Variants in ADGRV1 observed in about 807,000 individuals in gnomAD.
The protein encoded by ADGRV1 is G-protein coupled receptor 98.
A neutral mutation model predicts 596.2 loss-of-function variants in ADGRV1; 359 were observed. The observed-to-expected ratio is 0.60, with a 90% CI of 0.55 to 0.66. The LOEUF is 0.66. Among genes scored for constraint, ADGRV1 ranks in the 30% least tolerant of loss-of-function variants. ADGRV1 has a pLI of 0.00. For synonymous variants in ADGRV1, 2,681 were observed against 2,679.2 expected, an observed-to-expected ratio of 1.00 and a Z score of -0.02; for missense variants, 7,274 against 7,575.6, an observed-to-expected ratio of 0.96 and a Z score of 1.48.
At chr5:91,034,117 T>G (rs1784683950) in intron 85 of ADGRV1, among the ~76,000 whole-genome samples, 2 of 152,204 alleles carry the variant, frequency 1.3e-5, no homozygotes, top group Non-Finnish European at 2.9e-5. Context: ...ATTTAAAGTT[T>G]GTATTTAATG....
rs1044912166 is a variant in ADGRV1 at position 90,641,725 on chromosome 5, G to C, written c.2241-911G>C. Among the ~76,000 whole-genome samples the C allele has an allele frequency of 2.6e-5, 4 of 152,080 alleles. No individual in the cohort carries two copies. In the East Asian group the frequency reaches 7.7e-4, roughly 29 times the overall value. ...TACATATGAATTGTGGTTTCATTGT[G>C]ATTTGAAGTCTGAGCATGAATATAT... On this transcript the variant is annotated intron_variant, in intron 11 of 89. Transcript: ENST00000405460.
At chr5:90,659,835 A>C (rs1032989137) in intron 21 of ADGRV1, among the ~76,000 whole-genome samples, 1 of 152,184 alleles carries the variant, frequency 6.6e-6, no homozygotes, top group African/African-American at 2.4e-5. Flanking sequence ...GATCGAGACC[A>C]TCCTGGCTAA....
chr5:90,582,829 C>G (rs1465115013), intron 1 of ADGRV1, among the ~76,000 whole-genome samples: 3 of 152,190 alleles, frequency 2.0e-5, no homozygotes, highest in African/African-American at 7.2e-5. Context: ...TTTAGCTTCC[C>G]AAGTGGCTGA....
At chr5:90,863,967 A>C in intron 83 of ADGRV1, 110 bp downstream of exon 83, 1 of 723,560 alleles carries the variant, frequency 1.4e-6, no homozygotes, top group Non-Finnish European at 2.4e-6. Flanking sequence ...AGTTGAAATA[A>C]ACTTGTTTAG....
intron 85 of ADGRV1, among the ~76,000 whole-genome samples, chr5:91,027,144 A>AAAACACACAC (rs1293666345): frequency 3.9e-5 from 5 of 129,128 alleles, no homozygotes; most frequent in African/African-American, 1.5e-4. Context: ...ACAGTCTCAA[A>AAAACACACAC]ACACACACAC....
At chr5:91,100,101 T>C (rs59654682) in intron 86 of ADGRV1, among the ~76,000 whole-genome samples, 18,848 of 152,166 alleles carry the variant, frequency 0.12, 1,330 homozygotes, top group African/African-American at 0.2. Flanking sequence ...AAAGGGCTCC[T>C]GCTAGGGACA....
intron 83 of ADGRV1, among the ~76,000 whole-genome samples, chr5:90,921,140 C>A (rs1773838798): frequency 6.6e-6 from 1 of 152,188 alleles, no homozygotes; most frequent in African/African-American, 2.4e-5. Context: ...TGTTTACAAT[C>A]ACATGCATTT....
intron 18 of ADGRV1, 51 bp downstream of exon 18, chr5:90,651,781 T>A: frequency 8.5e-7 from 1 of 1,177,664 alleles, no homozygotes; most frequent in Non-Finnish European, 1.2e-6. Context: ...ATAAAACCAT[T>A]AAGTATGTGA....
chr5:90,728,486 C>G (rs1344131731), intron 48 of ADGRV1, among the ~76,000 whole-genome samples, 183 bp from the exon 49 acceptor site: 2 of 152,154 alleles, frequency 1.3e-5, no homozygotes, highest in Non-Finnish European at 2.9e-5. Context: ...TGTGCACACT[C>G]ACACAGATTA....
At chr5:90,603,062 T>G (rs367711437) in intron 1 of ADGRV1, among the ~76,000 whole-genome samples, 1 of 152,220 alleles carries the variant, frequency 6.6e-6, no homozygotes, top group East Asian at 1.9e-4. Flanking sequence ...TGAAAAGTAC[T>G]GTTCTCCTTC....
intron 86 of ADGRV1, among the ~76,000 whole-genome samples, chr5:91,076,088 T>C (rs1168336268): frequency 1.3e-5 from 2 of 152,134 alleles, no homozygotes; most frequent in Non-Finnish European, 2.9e-5. Context: ...CCCATATTCT[T>C]TATTAGCTCT....
At chr5:90,794,349 T>C (rs1760427511) in intron 70 of ADGRV1, among the ~76,000 whole-genome samples, 1 of 152,154 alleles carries the variant, frequency 6.6e-6, no homozygotes, top group African/African-American at 2.4e-5. Flanking sequence ...ACAGCTGGCT[T>C]TTTTTTATGA....
intron 85 of ADGRV1, among the ~76,000 whole-genome samples, chr5:91,027,600 C>T (rs1581830283): frequency 1.3e-5 from 2 of 152,110 alleles, no homozygotes; most frequent in Admixed American, 1.3e-4. Flanking sequence ...AATGAACTGA[C>T]AATTTTGCTT....
At chr5:90,712,495 TGTAAA>T (rs1200757457) in intron 42 of ADGRV1, 67 bp downstream of exon 42, 57 of 1,154,522 alleles carry the variant, frequency 4.9e-5, no homozygotes, top group Admixed American at 7.1e-5. Flanking sequence ...TGGGGGAAGA[TGTAAA>T]GGAATGAGAA....
At chr5:90,659,947 G>A (rs1770006250) in intron 21 of ADGRV1, among the ~76,000 whole-genome samples, 1 of 152,054 alleles carries the variant, frequency 6.6e-6, no homozygotes, top group Non-Finnish European at 1.5e-5. Context: ...CAGGAGAATG[G>A]TGTGAACCCA....
chr5:90,849,955 T>C (rs1005301642), intron 79 of ADGRV1, among the ~76,000 whole-genome samples: 19 of 152,328 alleles, frequency 1.2e-4, no homozygotes, highest in African/African-American at 4.3e-4. Flanking sequence ...AGAGATCATT[T>C]TAAGTAGCTA....
rs72784659 is a variant in ADGRV1 at position 91,075,980 on chromosome 5, T to A, written c.18310+3376T>A. 8.4e-3 allele frequency among the ~76,000 whole-genome samples: 1,278 copies of A among 152,322 alleles called. 6 individuals are homozygous for A. Among genetic ancestry groups the A allele is most frequent in the Middle Eastern group, 0.014 (4 of 294 alleles). On this transcript the variant is annotated intron_variant, in intron 86 of 89. Coordinates refer to ENST00000405460, the MANE Select transcript of ADGRV1 (RefSeq NM_032119.4). Reference sequence around the variant, plus strand: ...TGCTTATGTAAAGAAATCTTTACTTTGAGCTCCTCCTCATTAGTTGGTAAA... The same window carrying A: ...TGCTTATGTAAAGAAATCTTTACTTAGAGCTCCTCCTCATTAGTTGGTAAA...
At chr5:90,759,334 T>G (rs1174970697) in intron 57 of ADGRV1, 75 bp from the exon 58 acceptor site, 2 of 1,118,356 alleles carry the variant, frequency 1.8e-6, no homozygotes, top group African/African-American at 3.1e-5. Context: ...GTGATTACAT[T>G]ATTTCTTTCC....
chr5:90,967,858 T>C (rs1159336450), intron 84 of ADGRV1, among the ~76,000 whole-genome samples: 3 of 152,214 alleles, frequency 2.0e-5, no homozygotes, highest in Non-Finnish European at 4.4e-5. Context: ...ACCAGAATGC[T>C]TAACAATAAC....
Sources: allele counts gnomAD v4.1 joint callset (sites outside exome capture counted in the v4.1 genomes callset), GRCh38; gene constraint gnomAD v4.1.1; transcripts MANE v1.5; gene names NCBI Gene and HGNC (gene_info 2026-07-23, HGNC 2026-07-21).